Variants in AFG2A observed in about 807,000 individuals in gnomAD.
AFG2A encodes the protein ATPase family gene 2 protein homolog A.
the AFG2A span, among the ~76,000 whole-genome samples, chr4:122,935,263 T>C: frequency 6.6e-6 from 1 of 152,178 alleles, no homozygotes; most frequent in Non-Finnish European, 1.5e-5. Flanking sequence ...CATGTATGTA[T>C]ATATATGTAT....
At chr4:123,237,989 C>T in the AFG2A span, among the ~76,000 whole-genome samples, 1 of 152,348 alleles carries the variant, frequency 6.6e-6, no homozygotes, top group Non-Finnish European at 1.5e-5. Context: ...TGCGCTTTTC[C>T]CATGGTCTTA....
the AFG2A span, among the ~76,000 whole-genome samples, chr4:123,075,177 T>C: frequency 6.6e-6 from 1 of 151,722 alleles, no homozygotes; most frequent in Non-Finnish European, 1.5e-5. Flanking sequence ...AACTCCTGAC[T>C]TTGTGATCCG....
chr4:123,101,163 G>T, the AFG2A span, among the ~76,000 whole-genome samples: 1 of 151,838 alleles, frequency 6.6e-6, no homozygotes, highest in Non-Finnish European at 1.5e-5. Context: ...AAAGTATCTA[G>T]TTCAAGATCC....
chr4:122,928,903 A>G, the AFG2A span: 1 of 1,048,654 alleles, frequency 9.5e-7, no homozygotes, highest in East Asian at 2.9e-5. Context: ...AATTGGTATC[A>G]GATTGTAACT....
the AFG2A span, chr4:122,935,886 T>A: frequency 6.5e-7 from 1 of 1,528,540 alleles, no homozygotes; most frequent in Non-Finnish European, 8.8e-7. Context: ...ATTAAATATA[T>A]TTCTAAAATG....
chr4:122,934,255 T>C, the AFG2A span: 2 of 1,614,156 alleles, frequency 1.2e-6, no homozygotes, highest in Non-Finnish European at 1.7e-6. Flanking sequence ...CTTTGAACAG[T>C]CCAGCATGGA....
At chr4:123,182,739 C>T in the AFG2A span, among the ~76,000 whole-genome samples, 6 of 152,116 alleles carry the variant, frequency 3.9e-5, no homozygotes, top group African/African-American at 1.2e-4. Flanking sequence ...ATAGTTAATT[C>T]CCAGTTTACT....
At chr4:122,975,078 G>T in the AFG2A span, among the ~76,000 whole-genome samples, 1 of 152,156 alleles carries the variant, frequency 6.6e-6, no homozygotes, top group Non-Finnish European at 1.5e-5. Context: ...TCTTAGTCCA[G>T]TTTCTGCTGC....
chr4:123,152,138 T>A, the AFG2A span, among the ~76,000 whole-genome samples: 1 of 121,432 alleles, frequency 8.2e-6, no homozygotes, highest in African/African-American at 3.2e-5. Flanking sequence ...GGGATGGGGG[T>A]GGGAAAGGGG....
chr4:123,177,549 C>G, the AFG2A span, among the ~76,000 whole-genome samples: 11 of 152,180 alleles, frequency 7.2e-5, no homozygotes, highest in African/African-American at 2.2e-4. Flanking sequence ...CTTCCTACCT[C>G]CACTCTAGTC....
chr4:123,188,104 C>A, the AFG2A span, among the ~76,000 whole-genome samples: 1 of 151,804 alleles, frequency 6.6e-6, no homozygotes, highest in South Asian at 2.1e-4. Flanking sequence ...CTTAATCTTT[C>A]ATTTTTATTC....
At chr4:123,174,728 G>A in the AFG2A span, among the ~76,000 whole-genome samples, 1 of 151,704 alleles carries the variant, frequency 6.6e-6, no homozygotes, top group Non-Finnish European at 1.5e-5. Context: ...CATACCATGT[G>A]AACTCCACAG....
At chr4:123,188,705 A>G in the AFG2A span, among the ~76,000 whole-genome samples, 3 of 152,210 alleles carry the variant, frequency 2.0e-5, no homozygotes, top group Admixed American at 2.0e-4. Context: ...TGCTGATCAT[A>G]AAAGATGATT....
the AFG2A span, among the ~76,000 whole-genome samples, chr4:122,932,540 G>A: frequency 6.6e-6 from 1 of 151,992 alleles, no homozygotes; most frequent in Non-Finnish European, 1.5e-5. Context: ...CCCTCCACTG[G>A]TCACTGACAG....
chr4:123,015,855 G>A, the AFG2A span, among the ~76,000 whole-genome samples: 182 of 31,346 alleles, frequency 5.8e-3, no homozygotes, highest in Middle Eastern at 0.017. Flanking sequence ...TGGCCGGGCG[G>A]GGGGCTGACC....
the AFG2A span, among the ~76,000 whole-genome samples, chr4:123,086,786 G>T: frequency 6.6e-6 from 1 of 151,882 alleles, no homozygotes; most frequent in Non-Finnish European, 1.5e-5. Flanking sequence ...ATACATATCC[G>T]TAAGTGCAGA....
the AFG2A span, among the ~76,000 whole-genome samples, chr4:123,232,563 T>A: frequency 6.6e-6 from 1 of 151,994 alleles, no homozygotes; most frequent in Admixed American, 6.6e-5. Flanking sequence ...TTGAGTCAGC[T>A]GAGAAAAGTG....
the AFG2A span, among the ~76,000 whole-genome samples, chr4:122,946,897 A>C: frequency 6.6e-6 from 1 of 152,106 alleles, no homozygotes. Context: ...TATATGGTAC[A>C]TATTATATAT....
chr4:123,274,606 A>C, the AFG2A span, among the ~76,000 whole-genome samples: 2 of 151,918 alleles, frequency 1.3e-5, no homozygotes, highest in East Asian at 1.9e-4. Flanking sequence ...AAAAAAAAAA[A>C]AACCTATCAT....
Sources: allele counts gnomAD v4.1 joint callset (sites outside exome capture counted in the v4.1 genomes callset), GRCh38; gene constraint gnomAD v4.1.1; transcripts MANE v1.5; gene names NCBI Gene and HGNC (gene_info 2026-07-23, HGNC 2026-07-21).